C16orf96: variants seen among roughly 807,000 people sequenced by gnomAD.
The protein encoded by C16orf96 is chromosome 16 open reading frame 96, also known as uncharacterized protein C16orf96.
A neutral mutation model predicts 103.6 loss-of-function variants in C16orf96; 108 were observed. The observed-to-expected ratio is 1.04, with a 90% CI of 0.89 to 1.22. The LOEUF is 1.22. Among genes scored for constraint, C16orf96 ranks in the 50% most tolerant of loss-of-function variants. C16orf96 has a pLI of 0.00. For missense variants in C16orf96, 1,586 were observed against 1,464.2 expected (o/e 1.08, Z -1.36); for synonymous variants, 566 against 593.5 (o/e 0.95, Z 0.67).
intron 14 of C16orf96, among the ~76,000 whole-genome samples, 164 bp from the exon 15 acceptor site, chr16:4,599,120 A>G (rs1897234503): frequency 6.6e-6 from 1 of 151,434 alleles, no homozygotes; most frequent in Admixed American, 6.6e-5. Context: ...AAAAAAAAGA[A>G]GCCAAGGAGG....
In C16orf96 at chr16:4,592,328, G is replaced by A; in HGVS notation, c.2735G>A (p.Cys912Tyr). 1.9e-6 allele frequency: 3 copies of A among 1,551,676 alleles called. No homozygotes were observed. The highest frequency in any genetic ancestry group is 1.4e-5 in the African/African-American group (1 of 73,182). Residue 912 changes from cysteine (C) to tyrosine (Y), a missense_variant, in exon 11 of 16, where the codon TGC (cysteine) becomes TAC (tyrosine). Physicochemically the swap from Cys to Tyr is radical, Grantham distance 194 (BLOSUM62 -2). Coordinates refer to ENST00000444310, the MANE Select transcript of C16orf96 (RefSeq NM_001145011.2). Reference protein sequence around the residue: ...FRRKLFKRVKCISCDRPVEMM... With the variant: ...FRRKLFKRVKYISCDRPVEMM... ...AGGAAGCTGTTCAAGCGCGTGAAGT[G>A]CATCTCCTGTGACCGGCCTGTGGAG... is the stretch of plus-strand genomic sequence containing the variant.
At position 4,599,345 on chromosome 16, in the gene C16orf96, A is replaced by C. The variant is rs1473942990; in HGVS notation, c.3189A>C (p.Leu1063=). The change falls in exon 15 of 16, where the codon CTA becomes CTC. Residue 1063 remains leucine, a synonymous_variant. Transcript: ENST00000444310. ...ATGACCGTGTGCACTCCAGTGCCCT[A>C]TTTGGCGCCATCTGCCCCCGTGAGT... ...SLYDRVHSSA[L]FGAICPPLCP... The C allele has an allele frequency of 6.4e-7, 1 of 1,551,476 alleles. No homozygotes were observed. The highest frequency in any genetic ancestry group is 8.7e-7 in the Non-Finnish European group (1 of 1,146,866).
At chr16:4,552,093 C>A (rs1302012478), upstream of C16orf96, among the ~76,000 whole-genome samples, 3 of 152,196 alleles carry the variant, frequency 2.0e-5, no homozygotes, top group South Asian at 6.2e-4. Context: ...GACATGAACT[C>A]ATCCTTTTTT....
Position 4,575,500 on chromosome 16 carries a change from G to C in C16orf96, c.1020G>C (p.Leu340=). ...PGTEPVPGLE[L]GLELEPVPAL... is the part of the protein sequence containing the mutation. Reference sequence around the variant, plus strand: ...CTGAACCTGTGCCAGGACTGGAGCTGGGGCTGGAGCTGGAGCCTGTGCCTG... The same window carrying C: ...CTGAACCTGTGCCAGGACTGGAGCTCGGGCTGGAGCTGGAGCCTGTGCCTG... The change falls in exon 5 of 16, where the codon CTG becomes CTC. Residue 340 remains leucine, a synonymous_variant. Coordinates refer to ENST00000444310, the MANE Select transcript of C16orf96 (RefSeq NM_001145011.2). 6.5e-7 allele frequency: 1 copy of C among 1,547,252 alleles called. No homozygotes were observed. Among genetic ancestry groups the C allele is most frequent in the South Asian group, 1.2e-5 (1 of 84,020 alleles).
In C16orf96 at chr16:4,594,529, T is replaced by C; in HGVS notation, c.3027+19T>C. The C allele has an allele frequency of 6.5e-7, 1 of 1,548,494 alleles. No individual in the cohort carries two copies. Among genetic ancestry groups the C allele is most frequent in the South Asian group, 1.2e-5 (1 of 84,028 alleles). On this transcript the variant is annotated intron_variant, in intron 13 of 15. Coordinates refer to ENST00000444310, the MANE Select transcript of C16orf96 (RefSeq NM_001145011.2). ...TGACAGCGTGAGTCTGGCCGGGGCC[T>C]CCTTCTCAGAGGGTGGACGTCAGCG...
Position 4,571,631 on chromosome 16 carries a change from A to G in C16orf96, c.491A>G (p.Lys164Arg). Reference sequence around the variant, plus strand: ...CAGGTCACCATCACAGCCCTCAGAAAAGAAGTGGACATGCTGAAGAACATG... The same window carrying G: ...CAGGTCACCATCACAGCCCTCAGAAGAGAAGTGGACATGCTGAAGAACATG... ...ALQVTITALR[K>R]EVDMLKNMLD... The change falls in exon 2 of 16, where the codon AAA (lysine) becomes AGA (arginine). Residue 164 changes from lysine (K) to arginine (R), a missense_variant. Transcript: ENST00000444310. 6.4e-7 allele frequency: 1 copy of G among 1,552,162 alleles called. No individual in the cohort carries two copies.
At chr16:4,595,884 T>C (rs1171840784) in intron 14 of C16orf96, among the ~76,000 whole-genome samples, 1 of 151,834 alleles carries the variant, frequency 6.6e-6, no homozygotes, top group Non-Finnish European at 1.5e-5. Flanking sequence ...ATTTTTGTAT[T>C]TTTTAGTAGA....
upstream of C16orf96, among the ~76,000 whole-genome samples, chr16:4,555,267 ACTACACACAC>A (rs1464902279): frequency 1.4e-5 from 1 of 73,086 alleles, no homozygotes; most frequent in Admixed American, 1.7e-4. Flanking sequence ...TGTCACACAC[ACTACACACAC>A]ACACACACAC....
chr16:4,551,050 A>G, the C16orf96 span, among the ~76,000 whole-genome samples: 1 of 152,206 alleles, frequency 6.6e-6, no homozygotes, highest in Non-Finnish European at 1.5e-5. Flanking sequence ...AGGCCAGAGG[A>G]CCGCTTGAGG....
chr16:4,591,851 G>C, intron 10 of C16orf96, 67 bp downstream of exon 10: 1 of 1,233,646 alleles, frequency 8.1e-7, no homozygotes, highest in Non-Finnish European at 1.2e-6. Flanking sequence ...ACACACCCTG[G>C]AAGCTCTGGG....
intron 1 of C16orf96, among the ~76,000 whole-genome samples, chr16:4,564,548 C>T (rs1045025870): frequency 5.3e-5 from 8 of 152,108 alleles, no homozygotes; most frequent in Non-Finnish European, 7.4e-5. Context: ...TGGTGGTTTA[C>T]GCCTATGATC....
At chr16:4,552,481 C>CAAAAAAAAA (rs58618088), upstream of C16orf96, among the ~76,000 whole-genome samples, 1 of 67,876 alleles carries the variant, frequency 1.5e-5, no homozygotes, top group African/African-American at 4.1e-5. Context: ...GACTCTGTCT[C>CAAAAAAAAA]AAAAAAAAAA....
intron 1 of C16orf96, 110 bp downstream of exon 1, chr16:4,557,019 G>C: frequency 7.9e-7 from 1 of 1,259,400 alleles, no homozygotes; most frequent in Non-Finnish European, 1.1e-6. Context: ...ACCCAGGCTG[G>C]AGTGCAGTGG....
At chr16:4,566,585 T>C (rs2059387565) in intron 1 of C16orf96, among the ~76,000 whole-genome samples, 1 of 152,188 alleles carries the variant, frequency 6.6e-6, no homozygotes, top group South Asian at 2.1e-4. Context: ...GGGTCAGATA[T>C]ATGATTTGCA....
chr16:4,593,274 C>A lies in C16orf96; in HGVS notation c.2825C>A (p.Ala942Asp). Residue 942 changes from alanine to aspartate, a missense_variant, in exon 12 of 16, where the codon GCC (alanine) becomes GAC (aspartate). Transcript: ENST00000444310. The surrounding 1 kb of genome is among the most constrained non-coding windows in gnomAD (Gnocchi z 4.2). The stretch of plus-strand genomic sequence containing the variant: ...CACCTGCTGTCCCGGCTGCGGCCAG[C>A]CAGCGCCAACAGCTGCGAGTACTTG... ...KAHLLSRLRP[A>D]SANSCEYLQR... 1 of 1,551,034 alleles carries A rather than the reference C, an allele frequency of 6.4e-7. No individual in the cohort carries two copies.
Position 4,593,348 on chromosome 16 carries a change from G to GCCCCGCATGGAGGCCA in C16orf96, c.2867+34_2867+49dup. On this transcript the variant is annotated intron_variant, in intron 12 of 15. Transcript: ENST00000444310. The surrounding 1 kb of genome is among the most constrained non-coding windows in gnomAD (Gnocchi z 4.2). The stretch of plus-strand genomic sequence containing the variant: ...AGGATGGGCGCCCCGCAGGGAGGCC[G>GCCCCGCATGGAGGCCA]CCCCGCATGGAGGCCACTCTGGAGC... 6.5e-7 allele frequency: 1 copy of GCCCCGCATGGAGGCCA among 1,529,600 alleles called. No individual in the cohort carries two copies. Among genetic ancestry groups the GCCCCGCATGGAGGCCA allele is most frequent in the Non-Finnish European group, 8.8e-7 (1 of 1,130,552 alleles). The allele number at this position is 1,529,600 out of a possible 1,614,324, so 94.8% of individuals were successfully genotyped here.
intron 14 of C16orf96, 29 bp downstream of exon 14, chr16:4,594,832 C>T (rs1897137793): frequency 1.9e-6 from 3 of 1,545,562 alleles, no homozygotes; most frequent in African/African-American, 2.7e-5. Context: ...CCTGGGGCAC[C>T]CTTGCCTGGG....
chr16:4,546,806 A>G, the C16orf96 span, among the ~76,000 whole-genome samples: 1 of 152,022 alleles, frequency 6.6e-6, no homozygotes, highest in East Asian at 1.9e-4. Context: ...ATGTTCATCA[A>G]CTGATGAATG....
At position 4,578,978 on chromosome 16, in the gene C16orf96, G is replaced by C; in HGVS notation, c.2194G>C (p.Asp732His). The change falls in exon 6 of 16, where the codon GAC becomes CAC. Residue 732 changes from aspartate (D) to histidine (H), a missense_variant. Physicochemically the swap from Asp to His is moderately conservative, Grantham distance 81. Transcript: ENST00000444310. ...GGPSSLGTTV[D>H]ILQKKIGSLQ... Reference sequence around the variant, plus strand: ...TCCTTCCAGCCTCGGGACAACAGTGGACATATTGCAGAAAAAGATTGGCAG... The same window carrying C: ...TCCTTCCAGCCTCGGGACAACAGTGCACATATTGCAGAAAAAGATTGGCAG... 1 of 1,551,462 alleles carries C rather than the reference G, an allele frequency of 6.4e-7. No homozygotes were observed. The highest frequency in any genetic ancestry group is 8.7e-7 in the Non-Finnish European group (1 of 1,146,936).
Sources: allele counts gnomAD v4.1 joint callset (sites outside exome capture counted in the v4.1 genomes callset), GRCh38; gene constraint gnomAD v4.1.1; non-coding constraint Gnocchi (gnomAD v3.1); transcripts MANE v1.5; gene names NCBI Gene and HGNC (gene_info 2026-07-23, HGNC 2026-07-21).